PDE1C: variants seen among roughly 807,000 people sequenced by gnomAD.
The protein encoded by PDE1C is phosphodiesterase 1C, also known as dual specificity calcium/calmodulin-dependent 3',5'-cyclic nucleotide phosphodiesterase 1C.
In PDE1C, 62 loss-of-function variants were observed where a neutral mutation model predicts 93.1. That is an observed-to-expected ratio of 0.67 (90% CI 0.54 to 0.82). The LOEUF (loss-of-function observed/expected upper bound fraction) is 0.82. Among genes scored for constraint, PDE1C ranks in the 40% least tolerant of loss-of-function variants. The pLI, the probability that PDE1C is intolerant of heterozygous loss-of-function variation, is 0.00. For missense variants in PDE1C, 742 were observed against 884.6 expected (o/e 0.84, Z 2.04); for synonymous variants, 325 against 310.1 (o/e 1.05, Z -0.50).
intron 3 of PDE1C, among the ~76,000 whole-genome samples, chr7:32,127,841 T>G (rs1473704035): frequency 3.9e-5 from 6 of 152,046 alleles, no homozygotes; most frequent in Admixed American, 2.0e-4. Context: ...TCAACGGGAC[T>G]TTTTAGAAGT....
chr7:32,270,868 C>T lies in PDE1C; in HGVS notation c.85+27783G>A, dbSNP rs552157640. 2.6e-5 allele frequency among the ~76,000 whole-genome samples: 4 copies of T among 152,192 alleles called. No individual in the cohort carries two copies. In the South Asian group the frequency reaches 6.2e-4, roughly 24 times the overall value. The stretch of plus-strand genomic sequence containing the variant: ...CTCTGTGACCAGGCACAGTGGCTCA[C>T]GCCTGTAATCCCAGCACTTTGGGAG... On this transcript the variant is annotated intron_variant, in intron 1 of 18. Coordinates refer to the PDE1C transcript ENST00000396193.
chr7:32,238,489 T>C (rs1314921942), intron 1 of PDE1C, among the ~76,000 whole-genome samples: 1 of 152,250 alleles, frequency 6.6e-6, no homozygotes, highest in Non-Finnish European at 1.5e-5. Context: ...GAGATATAAC[T>C]GCTGTTGAAT....
intron 3 of PDE1C, among the ~76,000 whole-genome samples, chr7:32,148,871 T>G (rs2128788355): frequency 6.6e-6 from 1 of 152,316 alleles, no homozygotes; most frequent in Middle Eastern, 3.4e-3. Context: ...AATTGTGGAT[T>G]TCAGTTACAT....
At chr7:31,794,089 C>CAGACAGACAGAT (rs1562808129) in intron 16 of PDE1C, among the ~76,000 whole-genome samples, 59 of 136,124 alleles carry the variant, frequency 4.3e-4, no homozygotes, top group African/African-American at 1.4e-3. Context: ...GACAGACAGA[C>CAGACAGACAGAT]AGATAGATAG....
chr7:31,721,310 T>C, the PDE1C span, among the ~76,000 whole-genome samples: 1 of 152,230 alleles, frequency 6.6e-6, no homozygotes, highest in Admixed American at 6.5e-5. Flanking sequence ...GCAGCACTGA[T>C]AATAGAATTC....
intron 2 of PDE1C, among the ~76,000 whole-genome samples, chr7:31,904,394 C>T (rs1055832149): frequency 1.2e-4 from 19 of 152,134 alleles, no homozygotes; most frequent in African/African-American, 4.6e-4. Context: ...TTTAAAACTT[C>T]TCTTAGATTT....
chr7:32,333,946 T>G (rs1306006015), intron 1 of PDE1C, among the ~76,000 whole-genome samples: 1 of 152,178 alleles, frequency 6.6e-6, no homozygotes, highest in Non-Finnish European at 1.5e-5. Flanking sequence ...TTGAAAAATA[T>G]CCCAGACCCT....
At chr7:31,917,676 C>T (rs191404421) in intron 2 of PDE1C, among the ~76,000 whole-genome samples, 3 of 152,240 alleles carry the variant, frequency 2.0e-5, no homozygotes, top group Non-Finnish European at 2.9e-5. Context: ...CTTCCCTGTC[C>T]CCAATTATTA....
At chr7:31,986,168 C>G (rs1270376164) in intron 2 of PDE1C, among the ~76,000 whole-genome samples, 1 of 152,212 alleles carries the variant, frequency 6.6e-6, no homozygotes, top group African/African-American at 2.4e-5. Flanking sequence ...GTTTATGGGA[C>G]ACCTTCTCTG....
intron 3 of PDE1C, among the ~76,000 whole-genome samples, chr7:32,098,970 G>A (rs1307564085): frequency 6.6e-6 from 1 of 152,196 alleles, no homozygotes; most frequent in East Asian, 1.9e-4. Context: ...TGTGAATGTA[G>A]TTAATGCCAC....
intron 2 of PDE1C, among the ~76,000 whole-genome samples, chr7:32,019,691 C>A (rs1203413142): frequency 2.0e-5 from 3 of 151,816 alleles, no homozygotes; most frequent in African/African-American, 7.3e-5. Context: ...GATTCAAGAA[C>A]TATTTTACAT....
At chr7:31,720,794 G>A in the PDE1C span, among the ~76,000 whole-genome samples, 2 of 152,248 alleles carry the variant, frequency 1.3e-5, no homozygotes, top group East Asian at 3.9e-4. Context: ...TTTGGTGAAG[G>A]AGCAATGTAC....
intron 2 of PDE1C, among the ~76,000 whole-genome samples, chr7:31,905,150 T>C (rs1476702607): frequency 1.3e-5 from 2 of 152,174 alleles, no homozygotes; most frequent in Non-Finnish European, 2.9e-5. Flanking sequence ...TGCCATACAG[T>C]ATTCTAGACC....
At chr7:32,129,851 T>C (rs890402296) in intron 3 of PDE1C, among the ~76,000 whole-genome samples, 36 of 152,266 alleles carry the variant, frequency 2.4e-4, no homozygotes, top group Non-Finnish European at 3.8e-4. Flanking sequence ...CCAATGACTC[T>C]GTTATCTCAG....
chr7:32,304,197 G>T (rs560724384), upstream of PDE1C, among the ~76,000 whole-genome samples: 1 of 152,020 alleles, frequency 6.6e-6, no homozygotes, highest in African/African-American at 2.4e-5. Flanking sequence ...GTAACCACCC[G>T]ACTTGAAGCC....
At chr7:32,008,971 T>C (rs956267378) in intron 2 of PDE1C, among the ~76,000 whole-genome samples, 1 of 151,992 alleles carries the variant, frequency 6.6e-6, no homozygotes, top group Non-Finnish European at 1.5e-5. Context: ...AGTTAGATAA[T>C]GATGACTAGA....
intron 2 of PDE1C, among the ~76,000 whole-genome samples, chr7:31,932,346 A>C (rs1457179421): frequency 6.6e-6 from 1 of 152,196 alleles, no homozygotes; most frequent in Non-Finnish European, 1.5e-5. Context: ...TCCAGAATCT[A>C]CAAGGAACTT....
intron 2 of PDE1C, among the ~76,000 whole-genome samples, chr7:32,185,199 A>G (rs1203863992): frequency 7.5e-5 from 11 of 147,004 alleles, no homozygotes; most frequent in African/African-American, 2.5e-4. Context: ...GAGCTGAGAT[A>G]GTGCCATTGC....
At chr7:31,681,287 T>C in the PDE1C span, among the ~76,000 whole-genome samples, 3 of 152,288 alleles carry the variant, frequency 2.0e-5, no homozygotes, top group Admixed American at 6.5e-5. Context: ...TTGTACTTTA[T>C]TCACCATTTT....
Sources: gnomAD v4.1 joint callset for allele counts (sites outside exome capture counted in the v4.1 genomes callset) on GRCh38, gnomAD v4.1.1 for gene constraint, MANE v1.5 for transcripts, NCBI Gene and HGNC (gene_info 2026-07-23, HGNC 2026-07-21) for gene names.